SOX6: variants seen among roughly 807,000 people sequenced by gnomAD.
SOX6 encodes SRY-box transcription factor 6.
SOX6 carries 11 observed loss-of-function variants against 97.8 expected under a neutral mutation model. The ratio of observed to expected loss-of-function variants is 0.11; its 90% confidence interval spans 0.07 to 0.19. The LOEUF (loss-of-function observed/expected upper bound fraction) is 0.19. SOX6 is among the 10% of genes least tolerant of loss of function. The pLI is 1.00. For missense variants in SOX6, 810 were observed against 1,039.5 expected (o/e 0.78, Z 3.04); for synonymous variants, 360 against 371.4 (o/e 0.97, Z 0.35).
intron 3 of SOX6, among the ~76,000 whole-genome samples, chr11:16,664,087 A>G (rs1847786847): frequency 6.6e-6 from 1 of 151,948 alleles, no homozygotes; most frequent in Non-Finnish European, 1.5e-5. Context: ...ACATAGCAAG[A>G]CCTCATCTCT....
rs549134444 is a variant in SOX6, at chr11:16,151,349, G to A, written c.777+32537C>T. ...CTGAATTTGTCATGTCAGCTTTTCC[G>A]ATCGCTCTTGCAGCTGCTGAGTAAT... On this transcript the variant is annotated intron_variant, in intron 6 of 15. Transcript: ENST00000683767. Among the ~76,000 whole-genome samples, 62 of 152,170 alleles carry A rather than the reference G, an allele frequency of 4.1e-4. No individual in the cohort carries two copies. In the South Asian group the frequency reaches 7.1e-3, roughly 17 times the overall value.
intron 1 of SOX6, among the ~76,000 whole-genome samples, chr11:16,393,939 C>T (rs1208860486): frequency 6.6e-6 from 1 of 151,960 alleles, no homozygotes; most frequent in Non-Finnish European, 1.5e-5. Flanking sequence ...GGTGAATATT[C>T]ATCTTATCTA....
intron 4 of SOX6, among the ~76,000 whole-genome samples, chr11:16,193,446 T>C (rs564116822): frequency 5.3e-5 from 8 of 152,194 alleles, no homozygotes; most frequent in Non-Finnish European, 8.8e-5. Flanking sequence ...AGTCAACTAA[T>C]GGCATTCTCT....
chr11:16,010,287 T>C (rs1478863661), intron 13 of SOX6, among the ~76,000 whole-genome samples: 3 of 151,898 alleles, frequency 2.0e-5, no homozygotes, highest in Non-Finnish European at 4.4e-5. Context: ...CAAAAGAGGG[T>C]ATTCTTGGTA....
rs923017178 is a variant in SOX6 at position 15,972,407 on chromosome 11, C to A, written c.*402G>T. On this transcript the variant is annotated 3_prime_UTR_variant, in exon 16 of 16. Coordinates refer to ENST00000683767, the MANE Select transcript of SOX6 (RefSeq NM_001367873.1). Reference sequence around the variant, plus strand: ...ATTCAGAATAAAAACACATTCACAACCTGTAGGCCGGCACAGCATACCTGA... The same window carrying A: ...ATTCAGAATAAAAACACATTCACAAACTGTAGGCCGGCACAGCATACCTGA... The A allele has an allele frequency of 4.8e-5, 9 of 188,962 alleles. No homozygotes were observed. Among genetic ancestry groups the A allele is most frequent in the African/African-American group, 2.1e-4 (9 of 41,946 alleles). The allele number at this position is 188,962 out of a possible 1,614,324, so 11.7% of individuals were successfully genotyped here. A position where few individuals can be genotyped will look rare whatever the true frequency, so the allele number is the denominator to read the frequency against.
chr11:16,033,116 C>G (rs1855425416), intron 12 of SOX6, among the ~76,000 whole-genome samples: 1 of 152,174 alleles, frequency 6.6e-6, no homozygotes, highest in Non-Finnish European at 1.5e-5. Flanking sequence ...CAATATTTAC[C>G]TGAATCCCTA....
chr11:15,998,124 A>G (rs1854287080), intron 13 of SOX6, among the ~76,000 whole-genome samples: 1 of 151,382 alleles, frequency 6.6e-6, no homozygotes, highest in East Asian at 1.9e-4. Context: ...AATAAAAAAT[A>G]AAAAGCATAC....
chr11:16,606,974 A>G (rs955813732), intron 4 of SOX6, among the ~76,000 whole-genome samples: 7 of 148,722 alleles, frequency 4.7e-5, no homozygotes, highest in African/African-American at 1.7e-4. Context: ...CTCTCCCTCC[A>G]CTCCCCCTCC....
intron 15 of SOX6, among the ~76,000 whole-genome samples, chr11:15,984,447 T>G (rs1308202207): frequency 6.6e-6 from 1 of 152,160 alleles, no homozygotes; most frequent in African/African-American, 2.4e-5. Context: ...GGTCCCAAAC[T>G]TAAACTTTGG....
At chr11:16,444,817 T>G (rs529792087) in intron 1 of SOX6, among the ~76,000 whole-genome samples, 2 of 152,308 alleles carry the variant, frequency 1.3e-5, no homozygotes, top group Admixed American at 6.5e-5. Flanking sequence ...ATTTAAAAAT[T>G]TAATAGTGAA....
chr11:16,462,845 G>C (rs889633641), intron 1 of SOX6, among the ~76,000 whole-genome samples: 1 of 152,206 alleles, frequency 6.6e-6, no homozygotes, highest in Non-Finnish European at 1.5e-5. Flanking sequence ...CAGATTAAGG[G>C]TCAGTTGCAG....
intron 2 of SOX6, among the ~76,000 whole-genome samples, chr11:16,718,447 C>A (rs149022456): frequency 6.6e-6 from 1 of 152,242 alleles, no homozygotes; most frequent in Non-Finnish European, 1.5e-5. Context: ...GTTATTACAG[C>A]TAAAATAGCT....
At chr11:16,144,531 A>G (rs1850237434) in intron 6 of SOX6, among the ~76,000 whole-genome samples, 1 of 152,226 alleles carries the variant, frequency 6.6e-6, no homozygotes, top group Admixed American at 6.5e-5. Flanking sequence ...GAGACACAAA[A>G]GACCCTTCAA....
intron 4 of SOX6, among the ~76,000 whole-genome samples, chr11:16,482,711 A>T (rs1002940715): frequency 6.6e-6 from 1 of 152,208 alleles, no homozygotes; most frequent in African/African-American, 2.4e-5. Flanking sequence ...CAACTCAATT[A>T]TAAGTGATTT....
At chr11:15,998,870 G>A (rs1389575741) in intron 13 of SOX6, among the ~76,000 whole-genome samples, 1 of 151,942 alleles carries the variant, frequency 6.6e-6, no homozygotes, top group Non-Finnish European at 1.5e-5. Flanking sequence ...AAAGTAAAAT[G>A]ACTCTTAGAT....
chr11:16,489,826 G>T (rs1398443604), intron 4 of SOX6, among the ~76,000 whole-genome samples: 1 of 152,064 alleles, frequency 6.6e-6, no homozygotes. Flanking sequence ...CCAGAAGGCA[G>T]TCTAGTATAC....
intron 6 of SOX6, among the ~76,000 whole-genome samples, chr11:16,153,633 G>T (rs1458104621): frequency 6.6e-6 from 1 of 152,010 alleles, no homozygotes; most frequent in Admixed American, 6.6e-5. Context: ...CTATCTCTTT[G>T]TGTCTCAGAG....
chr11:16,203,955 G>GA (rs760619183), intron 4 of SOX6, among the ~76,000 whole-genome samples: 10 of 151,580 alleles, frequency 6.6e-5, no homozygotes, highest in Admixed American at 4.0e-4. Context: ...TTAGTAAAGT[G>GA]AAAAAAAATA....
intron 4 of SOX6, among the ~76,000 whole-genome samples, chr11:16,524,274 T>C (rs1332519935): frequency 6.6e-6 from 1 of 151,410 alleles, no homozygotes; most frequent in South Asian, 2.1e-4. Context: ...AAAAAGCTTA[T>C]CCACCATGAT....
Sources: gnomAD v4.1 joint callset for allele counts (sites outside exome capture counted in the v4.1 genomes callset) on GRCh38, gnomAD v4.1.1 for gene constraint, MANE v1.5 for transcripts, NCBI Gene and HGNC (gene_info 2026-07-23, HGNC 2026-07-21) for gene names.